The following RP1L1 variants were observed in gnomAD, a reference collection of about 807,000 sequenced individuals.
The protein encoded by RP1L1 is retinitis pigmentosa 1-like 1 protein.
A neutral mutation model predicts 15.7 loss-of-function variants in RP1L1; 27 were observed. The ratio of observed to expected loss-of-function variants is 1.72; its 90% confidence interval spans 1.27 to 2.38. The LOEUF is 2.38. Among genes scored for constraint, RP1L1 ranks in the 30% most tolerant of loss-of-function variants. The pLI, the probability that RP1L1 is intolerant of heterozygous loss-of-function variation, is 0.00. For missense variants in RP1L1, 4,798 were observed against 3,075.9 expected (o/e 1.56, Z -13.24); for synonymous variants, 1,813 against 1,276.7 (o/e 1.42, Z -8.96).
chr8:10,635,009 G>T (rs1002451658), intron 1 of RP1L1, among the ~76,000 whole-genome samples: 2 of 152,180 alleles, frequency 1.3e-5, no homozygotes, highest in South Asian at 2.1e-4. Flanking sequence ...TTTCCCTGCA[G>T]TGCCACCTGG....
intron 2 of RP1L1, among the ~76,000 whole-genome samples, chr8:10,617,721 T>C (rs566963546): frequency 1.3e-5 from 2 of 151,970 alleles, no homozygotes; most frequent in South Asian, 4.1e-4. Flanking sequence ...CATACTCAGC[T>C]AATTTTTTGT....
intron 1 of RP1L1, among the ~76,000 whole-genome samples, chr8:10,626,433 G>A (rs1056677604): frequency 1.3e-5 from 2 of 152,156 alleles, no homozygotes; most frequent in African/African-American, 2.4e-5. Flanking sequence ...AAACACGTGG[G>A]GCATGCAGCC....
chr8:10,610,390 G>C lies in RP1L1; in HGVS notation c.3708C>G (p.Asn1236Lys). The C allele has an allele frequency of 2.5e-6, 4 of 1,614,084 alleles. No individual in the cohort carries two copies. The highest frequency in any genetic ancestry group is 3.4e-6 in the Non-Finnish European group (4 of 1,180,038). ...QGTELPLKTS[N>K]QRPDSRTYES... is the part of the protein sequence containing the mutation. ...CATAAGTTCTTGAATCAGGCCTCTG[G>C]TTGGAGGTTTTCAGGGGCAGCTCTG... The change falls in exon 4 of 4, where the codon AAC becomes AAG. Residue 1236 changes from asparagine (N) to lysine (K), a missense_variant. By Grantham distance (94) the Asn-to-Lys change is moderately conservative. Coordinates refer to ENST00000382483, the MANE Select transcript of RP1L1 (RefSeq NM_178857.6).
Position 10,609,962 on chromosome 8 carries a change from T to C in RP1L1, c.4136A>G (p.Glu1379Gly). ...EEGVQLEEVK[E>G]GPEGGLQGEA... ...TCCTTGCAGTCCTCCTTCTGGCCCTTCTTTAACTTCCTCTAACTGCACCCC... is the reference window on the plus strand; with the variant it reads ...TCCTTGCAGTCCTCCTTCTGGCCCTCCTTTAACTTCCTCTAACTGCACCCC... The change falls in exon 4 of 4, where the codon GAA (glutamate) becomes GGA (glycine). Residue 1379 changes from glutamate to glycine, a missense_variant. Glu to Gly is a moderately conservative substitution (Grantham distance 98). Transcript: ENST00000382483. The C allele has an allele frequency of 6.3e-7, 1 of 1,597,082 alleles. No individual in the cohort carries two copies. Among genetic ancestry groups the C allele is most frequent in the Non-Finnish European group, 8.5e-7 (1 of 1,169,946 alleles).
intron 1 of RP1L1, among the ~76,000 whole-genome samples, chr8:10,639,901 G>T (rs993770022): frequency 1.2e-4 from 19 of 152,064 alleles, no homozygotes; most frequent in African/African-American, 3.6e-4. Context: ...CTTTTTTCAG[G>T]GGATGGTGTT....
Position 10,607,139 on chromosome 8 carries a change from A to C in RP1L1, c.6959T>G (p.Leu2320Arg), listed in dbSNP as rs753369418. 5 of 1,614,206 alleles carry C rather than the reference A, an allele frequency of 3.1e-6. No individual in the cohort carries two copies. The highest frequency in any genetic ancestry group is 4.2e-6 in the Non-Finnish European group (5 of 1,180,032). Residue 2320 changes from leucine (L) to arginine (R), a missense_variant, in exon 4 of 4, where the codon CTT becomes CGT. Leu to Arg is a moderately radical substitution (Grantham distance 102). Transcript: ENST00000382483. Reference sequence around the variant, plus strand: ...GGCATCAGGGCTCCTTGTGTCTCCAAGTACATGGTCATTTTCTGAGTCTTT... The same window carrying C: ...GGCATCAGGGCTCCTTGTGTCTCCACGTACATGGTCATTTTCTGAGTCTTT... ...WQKDSENDHV[L>R]GDTRSPDAKS...
intron 1 of RP1L1, among the ~76,000 whole-genome samples, chr8:10,654,634 TG>T (rs943675878): frequency 2.0e-5 from 3 of 152,210 alleles, no homozygotes; most frequent in African/African-American, 7.2e-5. Flanking sequence ...ACAGACAGGC[TG>T]TGATACTAAC....
intron 1 of RP1L1, among the ~76,000 whole-genome samples, chr8:10,628,101 C>T (rs186503233): frequency 2.0e-5 from 3 of 152,322 alleles, no homozygotes; most frequent in Non-Finnish European, 4.4e-5. Flanking sequence ...TCTCCAGGTT[C>T]ATGAGCCCAA....
Position 10,608,175 on chromosome 8 carries a change from C to G in RP1L1, c.5923G>C (p.Glu1975Gln). Residue 1975 changes from glutamate (E) to glutamine (Q), a missense_variant, in exon 4 of 4, where the codon GAA becomes CAA. Physicochemically the swap from Glu to Gln is conservative, Grantham distance 29. Coordinates refer to ENST00000382483, the MANE Select transcript of RP1L1 (RefSeq NM_178857.6). ...TCAACCTCCAGGGCCTCTACATCTT[C>G]TGACTCTGGCTGGGCTTCCTCTTCT... Reference protein sequence around the residue: ...EAEEEAQPESEDVEALEVEVE... With the variant: ...EAEEEAQPESQDVEALEVEVE... The G allele has an allele frequency of 6.2e-7, 1 of 1,612,820 alleles. No individual in the cohort carries two copies. The highest frequency in any genetic ancestry group is 2.2e-5 in the East Asian group (1 of 44,702).
intron 3 of RP1L1, among the ~76,000 whole-genome samples, chr8:10,613,867 C>A (rs537953050): frequency 3.3e-5 from 5 of 152,260 alleles, no homozygotes; most frequent in East Asian, 1.9e-4. Context: ...AGTCTGTGAA[C>A]TGGCATTGTC....
At position 10,611,834 on chromosome 8, in the gene RP1L1, T is replaced by G; in HGVS notation, c.2264A>C (p.His755Pro). 1 of 1,613,664 alleles carries G rather than the reference T, an allele frequency of 6.2e-7. No homozygotes were observed. ...HSDFVSGVSP[H>P]NAPSAGWAGD... ...TGCCCACCCGGCAGAGGGAGCGTTG[T>G]GCGGGGAGACTCCAGAAACAAAATC... Residue 755 changes from histidine (H) to proline (P), a missense_variant, in exon 4 of 4, where the codon CAC (histidine) becomes CCC (proline). By Grantham distance (77) the His-to-Pro change is moderately conservative. Coordinates refer to ENST00000382483, the MANE Select transcript of RP1L1 (RefSeq NM_178857.6).
At chr8:10,636,616 G>T (rs1011766153) in intron 1 of RP1L1, among the ~76,000 whole-genome samples, 2 of 152,164 alleles carry the variant, frequency 1.3e-5, no homozygotes, top group African/African-American at 2.4e-5. Flanking sequence ...GCAACAGGAA[G>T]AACTGTTGTT....
rs889247812 is a variant in RP1L1, at chr8:10,655,068, T to C, written c.-190A>G. 1.3e-5 allele frequency: 2 copies of C among 152,854 alleles called. No homozygotes were observed. Among genetic ancestry groups the C allele is most frequent in the African/African-American group, 4.8e-5 (2 of 41,576 alleles). 9.5% of individuals were successfully genotyped at this position (152,854 alleles called of 1,614,324 possible). A position where few individuals can be genotyped will look rare whatever the true frequency, so the allele number is the denominator to read the frequency against. Reference sequence around the variant, plus strand: ...CGGACAGTCCTCGGGGCCACTCTCCTTGGCCTGAGAGCCTGAGGCCCCAGT... The same window carrying C: ...CGGACAGTCCTCGGGGCCACTCTCCCTGGCCTGAGAGCCTGAGGCCCCAGT... On this transcript the variant is annotated 5_prime_UTR_variant, in exon 1 of 4. Transcript: ENST00000382483.
At chr8:10,617,853 G>A (rs747783234) in intron 2 of RP1L1, among the ~76,000 whole-genome samples, 1 of 152,152 alleles carries the variant, frequency 6.6e-6, no homozygotes, top group African/African-American at 2.4e-5. Context: ...ACTGCACCCG[G>A]CCTAGAAGTT....
chr8:10,608,835 C>G lies in RP1L1; in HGVS notation c.5263G>C (p.Asp1755His), dbSNP rs756553920. ...DGEGSQRLNR[D>H]KDPKLGEAEG... The stretch of plus-strand genomic sequence containing the variant: ...GCCTCCCCGAGTTTGGGATCTTTGT[C>G]TCTGTTGAGTCTCTGGCTCCCCTCG... Residue 1755 changes from aspartate (D) to histidine (H), a missense_variant, in exon 4 of 4, where the codon GAC becomes CAC. Coordinates refer to ENST00000382483, the MANE Select transcript of RP1L1 (RefSeq NM_178857.6). 1 of 1,614,126 alleles carries G rather than the reference C, an allele frequency of 6.2e-7. No homozygotes were observed. The highest frequency in any genetic ancestry group is 8.5e-7 in the Non-Finnish European group (1 of 1,180,050).
At position 10,609,880 on chromosome 8, in the gene RP1L1, G is replaced by A. The variant is rs746928907; in HGVS notation, c.4218C>T (p.His1406=). The A allele has an allele frequency of 6.9e-5, 110 of 1,596,178 alleles. No homozygotes were observed. Among genetic ancestry groups the A allele is most frequent in the Admixed American group, 2.0e-4 (12 of 59,040 alleles). ...EEGLPEEGSV[H]GQELSEASSP... is the part of the protein sequence containing the mutation. Reference sequence around the variant, plus strand: ...AGCTGGCCTCTGACAATTCCTGCCCGTGGACGCTTCCTTCTTCTGGAAGTC... The same window carrying A: ...AGCTGGCCTCTGACAATTCCTGCCCATGGACGCTTCCTTCTTCTGGAAGTC... Residue 1406 remains histidine, a synonymous_variant, in exon 4 of 4, where the codon CAC becomes CAT. Coordinates refer to ENST00000382483, the MANE Select transcript of RP1L1 (RefSeq NM_178857.6).
Position 10,622,833 on chromosome 8 carries a change from G to A in RP1L1, c.369C>T (p.Asn123=). The change falls in exon 2 of 4, where the codon AAC becomes AAT. Residue 123 remains asparagine (N), a synonymous_variant. Transcript: ENST00000382483. ...PSGPGRPQER[N]PTAQQLRDVE... ...CATCCCGCAACTGCTGAGCAGTGGG[G>A]TTTCTCTCCTGTGGCCGGCCTGGTC... The A allele has an allele frequency of 1.9e-6, 3 of 1,613,284 alleles. No homozygotes were observed. The highest frequency in any genetic ancestry group is 2.5e-6 in the Non-Finnish European group (3 of 1,179,444).
Position 10,607,132 on chromosome 8 carries a change from G to A in RP1L1, c.6966C>T (p.Asp2322=), listed in dbSNP as rs767154682. ...KDSENDHVLG[D]TRSPDAKSTG... is the part of the protein sequence containing the mutation. ...TGGACTTGGCATCAGGGCTCCTTGT[G>A]TCTCCAAGTACATGGTCATTTTCTG... Residue 2322 remains aspartate (D), a synonymous_variant, in exon 4 of 4, where the codon GAC becomes GAT. Coordinates refer to ENST00000382483, the MANE Select transcript of RP1L1 (RefSeq NM_178857.6). The A allele has an allele frequency of 6.2e-7, 1 of 1,614,250 alleles. No homozygotes were observed. Among genetic ancestry groups the A allele is most frequent in the Non-Finnish European group, 8.5e-7 (1 of 1,180,050 alleles).
Position 10,610,045 on chromosome 8 carries a change from T to C in RP1L1, c.4053A>G (p.Glu1351=). 2.3e-6 allele frequency: 3 copies of C among 1,303,904 alleles called. No individual in the cohort carries two copies. The highest frequency in any genetic ancestry group is 2.6e-5 in the South Asian group (2 of 75,522). 80.8% of individuals were successfully genotyped at this position (1,303,904 alleles called of 1,614,324 possible). Residue 1351 remains glutamate (E), a synonymous_variant, in exon 4 of 4, where the codon GAA becomes GAG. Transcript: ENST00000382483. The stretch of plus-strand genomic sequence containing the variant: ...CAATTTCCTCTAACTGCGCCTCTTC[T>C]TCTTGCTGTCCTTCTCCTTCTGTTT... ...TKETEGEGQQ[E]EEAQLEEIEE...
Sources: allele counts gnomAD v4.1 joint callset (sites outside exome capture counted in the v4.1 genomes callset), GRCh38; gene constraint gnomAD v4.1.1; transcripts MANE v1.5; gene names NCBI Gene and HGNC (gene_info 2026-07-23, HGNC 2026-07-21).